The following DNAH12 variants were observed in gnomAD, a reference collection of about 807,000 sequenced individuals.
DNAH12 encodes the protein dynein axonemal heavy chain 12, also known as axonemal beta dynein heavy chain 12.
In DNAH12, 285 loss-of-function variants were observed where a neutral mutation model predicts 371.5. That is an observed-to-expected ratio of 0.77 (90% CI 0.70 to 0.85). DNAH12 has a LOEUF of 0.85. DNAH12 is among the 40% of genes least tolerant of loss of function. The pLI, the probability that DNAH12 is intolerant of heterozygous loss-of-function variation, is 0.00. For synonymous variants in DNAH12, 1,200 were observed against 1,213.0 expected, an observed-to-expected ratio of 0.99 and a Z score of 0.22; for missense variants, 3,611 against 3,689.4, an observed-to-expected ratio of 0.98 and a Z score of 0.55.
chr3:57,296,167 T>C (rs1283232030), intron 72 of DNAH12, among the ~76,000 whole-genome samples, 177 bp downstream of exon 72: 1 of 152,204 alleles, frequency 6.6e-6, no homozygotes, highest in Non-Finnish European at 1.5e-5. Flanking sequence ...TAAAAATTAT[T>C]CAAGACCTAA....
intron 1 of DNAH12, 62 bp from the exon 2 acceptor site, chr3:57,542,965 T>C (rs191184897): frequency 2.4e-5 from 29 of 1,216,810 alleles, no homozygotes; most frequent in Admixed American, 1.5e-4. Flanking sequence ...ATTCATAACA[T>C]ATCTAACATA....
intron 2 of DNAH12, among the ~76,000 whole-genome samples, chr3:57,528,959 C>A (rs1254852024): frequency 2.0e-5 from 3 of 151,630 alleles, no homozygotes; most frequent in African/African-American, 7.3e-5. Context: ...CACCACCATA[C>A]CAGCTAATTT....
At chr3:57,309,083 TATTTTA>T in intron 69 of DNAH12, 62 bp downstream of exon 69, 2 of 1,284,486 alleles carry the variant, frequency 1.6e-6, no homozygotes, top group Non-Finnish European at 2.1e-6. Context: ...ACTTCAACAC[TATTTTA>T]TTTTTCTTAT....
chr3:57,358,423 A>G (rs1007996117), intron 58 of DNAH12, among the ~76,000 whole-genome samples: 9 of 96,840 alleles, frequency 9.3e-5, no homozygotes, highest in Non-Finnish European at 1.6e-4. Context: ...CAGAGAGTAC[A>G]GAAACTTAAG....
Position 57,502,463 on chromosome 3 carries a change from G to T in DNAH12, c.1103C>A (p.Pro368His). Residue 368 changes from proline to histidine, a missense_variant, in exon 10 of 74, where the codon CCC becomes CAC. Coordinates refer to ENST00000495027, the MANE Select transcript of DNAH12 (RefSeq NM_001366028.2). ...AEALQNVQTI[P>H]SWLSGTSTPV... ...TGTTGAAGTTCCTGATAGCCAAGAG[G>T]GGATTGTTTGGACATTCTAACACAA... 6.2e-7 allele frequency: 1 copy of T among 1,613,974 alleles called. No homozygotes were observed. Among genetic ancestry groups the T allele is most frequent in the Admixed American group, 1.7e-5 (1 of 59,996 alleles).
upstream of DNAH12, among the ~76,000 whole-genome samples, chr3:57,548,118 A>C (rs886756947): frequency 6.6e-6 from 1 of 152,232 alleles, no homozygotes; most frequent in African/African-American, 2.4e-5. Flanking sequence ...TCTGTAGTCT[A>C]TAACAAGTTT....
chr3:57,314,257 A>C (rs182934364), intron 66 of DNAH12, among the ~76,000 whole-genome samples: 33 of 152,202 alleles, frequency 2.2e-4, no homozygotes, highest in Admixed American at 1.7e-3. Context: ...GTCCTTCTGC[A>C]CCTCTTTATT....
intron 16 of DNAH12, among the ~76,000 whole-genome samples, chr3:57,469,377 T>C (rs1342817177): frequency 2.0e-5 from 3 of 152,342 alleles, no homozygotes; most frequent in African/African-American, 7.2e-5. Context: ...TGTTGCACTA[T>C]TGATGGGACT....
At chr3:57,483,745 A>G (rs2153383908) in intron 12 of DNAH12, among the ~76,000 whole-genome samples, 1 of 152,006 alleles carries the variant, frequency 6.6e-6, no homozygotes, top group South Asian at 2.1e-4. Flanking sequence ...CAGGAGTTCA[A>G]AACCAGCCTG....
chr3:57,328,115 C>T (rs201176713), intron 62 of DNAH12, among the ~76,000 whole-genome samples: 38,737 of 138,900 alleles, frequency 0.28, 4,584 homozygotes, highest in African/African-American at 0.4. Context: ...GATTCACAGC[C>T]GAATTCTACC....
intron 55 of DNAH12, among the ~76,000 whole-genome samples, chr3:57,370,347 T>TA (rs2063144651): frequency 6.6e-6 from 1 of 152,226 alleles, no homozygotes; most frequent in African/African-American, 2.4e-5. Flanking sequence ...CTTGAGCACT[T>TA]ATGTGCTAAG....
In DNAH12 at chr3:57,457,830, A is replaced by G; in HGVS notation, c.3227T>C (p.Ile1076Thr). The G allele has an allele frequency of 6.4e-7, 1 of 1,551,636 alleles. No individual in the cohort carries two copies. Among genetic ancestry groups the G allele is most frequent in the Non-Finnish European group, 8.7e-7 (1 of 1,146,990 alleles). ...CGCTGCAGACGTGGAAATGAGTGCA[A>G]TCAGCTCCACTCGCTCGCCCTCAGA... Reference protein sequence around the residue: ...YSSEGERVELIALISTSAARG... With the variant: ...YSSEGERVELTALISTSAARG... Residue 1076 changes from isoleucine (I) to threonine (T), a missense_variant, in exon 22 of 74, where the codon ATT (isoleucine) becomes ACT (threonine). This residue lies in a region of DNAH12 where 1,314 missense variants were observed against 1,398.7 expected (regional missense o/e 0.94). Transcript: ENST00000495027.
intron 22 of DNAH12, among the ~76,000 whole-genome samples, chr3:57,455,787 G>C (rs116235329): frequency 5.1e-4 from 77 of 152,194 alleles, no homozygotes; most frequent in African/African-American, 1.7e-3. Flanking sequence ...ACCATCTATA[G>C]TTTTGAATTC....
At chr3:57,416,495 C>T (rs2064380753) in intron 37 of DNAH12, among the ~76,000 whole-genome samples, 1 of 152,048 alleles carries the variant, frequency 6.6e-6, no homozygotes, top group Non-Finnish European at 1.5e-5. Context: ...CTTTTCAGAG[C>T]AGAAAGTCAA....
Position 57,421,670 on chromosome 3 carries a change from C to G in DNAH12, c.5410G>C (p.Gly1804Arg). ...FIFSLIWSIG[G>R]SCDTDGRRVF... Reference sequence around the variant, plus strand: ...CGACGGCCATCTGTATCACAACTTCCTCCAATCGACCAAATCAAAGAGAAT... The same window carrying G: ...CGACGGCCATCTGTATCACAACTTCGTCCAATCGACCAAATCAAAGAGAAT... Residue 1804 changes from glycine to arginine, a missense_variant, in exon 36 of 74, where the codon GGA (glycine) becomes CGA (arginine). Gly to Arg is a moderately radical substitution (Grantham distance 125). Transcript: ENST00000495027. The G allele has an allele frequency of 6.4e-7, 1 of 1,551,620 alleles. No homozygotes were observed. Among genetic ancestry groups the G allele is most frequent in the Non-Finnish European group, 8.7e-7 (1 of 1,146,966 alleles).
At chr3:57,332,018 C>T (rs1333235587) in intron 62 of DNAH12, among the ~76,000 whole-genome samples, 1 of 152,180 alleles carries the variant, frequency 6.6e-6, no homozygotes, top group Non-Finnish European at 1.5e-5. Context: ...TTTCCCCCCA[C>T]CCTGCTCCTT....
intron 55 of DNAH12, among the ~76,000 whole-genome samples, chr3:57,374,799 A>G (rs2063248581): frequency 1.3e-5 from 2 of 152,130 alleles, no homozygotes; most frequent in African/African-American, 4.8e-5. Context: ...CCAATAACAT[A>G]TACATTATGA....
chr3:57,415,416 TTAAAC>T lies in DNAH12; in HGVS notation c.5853+5_5853+9del. 2 of 1,546,374 alleles carry T rather than the reference TTAAAC, an allele frequency of 1.3e-6. No homozygotes were observed. Among genetic ancestry groups the T allele is most frequent in the Non-Finnish European group, 1.7e-6 (2 of 1,145,936 alleles). Reference sequence around the variant, plus strand: ...TAACGATAGACCCCCATTTCTGTCTTTAAACTAACCTGAACCTGATTGGCGCTGGT... The same window carrying T: ...TAACGATAGACCCCCATTTCTGTCTTTAACCTGAACCTGATTGGCGCTGGT... On this transcript the variant is annotated splice_donor_5th_base_variant and intron_variant, in intron 38 of 73. Coordinates refer to ENST00000495027, the MANE Select transcript of DNAH12 (RefSeq NM_001366028.2).
At chr3:57,326,433 C>A (rs1048722433) in intron 62 of DNAH12, among the ~76,000 whole-genome samples, 3 of 152,064 alleles carry the variant, frequency 2.0e-5, no homozygotes, top group African/African-American at 7.2e-5. Context: ...GAATTTTCAA[C>A]CCAGAATTTC....
Sources: allele counts gnomAD v4.1 joint callset (sites outside exome capture counted in the v4.1 genomes callset), GRCh38; gene constraint gnomAD v4.1.1; regional missense constraint gnomAD v4.1.1; transcripts MANE v1.5; gene names NCBI Gene and HGNC (gene_info 2026-07-23, HGNC 2026-07-21).